The following FAT3 variants were observed in gnomAD, a reference collection of about 807,000 sequenced individuals.
The protein encoded by FAT3 is protocadherin Fat 3.
A neutral mutation model predicts 310.2 loss-of-function variants in FAT3; 95 were observed. The observed-to-expected ratio is 0.31, with a 90% confidence interval of 0.26 to 0.36. The LOEUF (loss-of-function observed/expected upper bound fraction) is 0.36. Ranked by LOEUF, FAT3 falls within the 10% of genes least tolerant of loss-of-function variation. The probability of loss-of-function intolerance (pLI) is 1.00; values close to 1 mark genes in which losing one functional copy is unlikely to be tolerated. For synonymous variants in FAT3, 2,314 were observed against 2,192.9 expected (o/e 1.06, Z -1.54); for missense variants, 5,408 against 5,715.6 (o/e 0.95, Z 1.74).
chr11:92,374,958 T>G (rs952330862), intron 2 of FAT3, among the ~76,000 whole-genome samples: 1 of 152,074 alleles, frequency 6.6e-6, no homozygotes, highest in Non-Finnish European at 1.5e-5. Flanking sequence ...ATCTCCCTGG[T>G]TTAGAGGAAT....
intron 2 of FAT3, among the ~76,000 whole-genome samples, chr11:92,419,550 GA>G (rs1950495332): frequency 6.6e-6 from 1 of 152,130 alleles, no homozygotes; most frequent in South Asian, 2.1e-4. Flanking sequence ...AGAGATAGGG[GA>G]GTATCTTTAT....
intron 3 of FAT3, among the ~76,000 whole-genome samples, chr11:92,648,148 AG>A (rs1565484931): frequency 6.6e-6 from 1 of 152,170 alleles, no homozygotes; most frequent in Non-Finnish European, 1.5e-5. Context: ...CTATGACAGT[AG>A]TGGTAGGTAG....
intron 2 of FAT3, among the ~76,000 whole-genome samples, chr11:92,427,083 A>G (rs1424140128): frequency 4.6e-5 from 7 of 151,894 alleles, no homozygotes; most frequent in Non-Finnish European, 1.0e-4. Flanking sequence ...CCTTGAAGAG[A>G]TCCTTCTCAT....
rs770091554 is a variant in FAT3, at chr11:92,774,047, A to G, written c.4202A>G (p.Asn1401Ser). The G allele has an allele frequency of 8.7e-6, 14 of 1,612,444 alleles. No homozygotes were observed. The highest frequency in any genetic ancestry group is 1.7e-5 in the Admixed American group (1 of 59,684). ...GTTTCTGTGAAATCATCAGGGGGGA[A>G]TTTTGACAGCGCTTTTGATGCAGAG... ...TPLWFDIVGG[N>S]FDSAFDAEKG... is the part of the protein sequence containing the mutation. Residue 1401 changes from asparagine to serine, a missense_variant, in exon 7 of 28, where the codon AAT (asparagine) becomes AGT (serine). Physicochemically the swap from Asn to Ser is conservative, Grantham distance 46. Around this residue, in one of 5 missense-constraint regions of FAT3, gnomAD observed 4,588 missense variants for 4,809.8 expected, o/e 0.95. Coordinates refer to ENST00000525166, the MANE Select transcript of FAT3 (RefSeq NM_001367949.2).
At chr11:92,528,135 C>A (rs1196164184) in intron 3 of FAT3, among the ~76,000 whole-genome samples, 1 of 152,210 alleles carries the variant, frequency 6.6e-6, no homozygotes, top group East Asian at 1.9e-4. Context: ...TATCGAACAT[C>A]TGTTCTCTAC....
chr11:92,593,813 A>T (rs1939565772), intron 3 of FAT3, among the ~76,000 whole-genome samples: 1 of 152,224 alleles, frequency 6.6e-6, no homozygotes, highest in Admixed American at 6.5e-5. Flanking sequence ...ATATGATTCC[A>T]TTGCCTGGCT....
At position 92,799,616 on chromosome 11, in the gene FAT3, G is replaced by GAACAGGA. The variant is rs761437273; in HGVS notation, c.6607_6608insGGAAACA (p.Thr2203ArgfsTer29). 1 of 1,613,746 alleles carries GAACAGGA rather than the reference G, an allele frequency of 6.2e-7. No individual in the cohort carries two copies. Among genetic ancestry groups the GAACAGGA allele is most frequent in the Admixed American group, 1.7e-5 (1 of 59,984 alleles). ...CATCTGTCAATGAAGACATCAGAAT[G>GAACAGGA]AACACACCCATCCTAAGCATCAATG... On this transcript the variant is annotated frameshift_variant, in exon 10 of 28. Transcript: ENST00000525166. LOFTEE classifies it high-confidence loss of function.
chr11:92,825,029 A>G (rs988362177), intron 13 of FAT3, among the ~76,000 whole-genome samples: 3 of 152,206 alleles, frequency 2.0e-5, no homozygotes, highest in Admixed American at 6.5e-5. Flanking sequence ...AGCTTTGTGT[A>G]TGTATATGAA....
At chr11:92,543,412 A>G (rs1954515412) in intron 3 of FAT3, among the ~76,000 whole-genome samples, 1 of 152,150 alleles carries the variant, frequency 6.6e-6, no homozygotes, top group Admixed American at 6.5e-5. Context: ...TACACAATGT[A>G]TTCTTGTATC....
chr11:92,788,295 G>A (rs2136151091), intron 7 of FAT3, among the ~76,000 whole-genome samples: 1 of 152,194 alleles, frequency 6.6e-6, no homozygotes, highest in South Asian at 2.1e-4. Flanking sequence ...CTACAATAGA[G>A]AGAAACAAAT....
chr11:92,762,084 G>C lies in FAT3; in HGVS notation c.3898G>C (p.Asp1300His), dbSNP rs2136085722. ...CTCCTACAGTATTGTGGATGGGAATGATGACGGAAAGTTCTTTATTGACCC... is the reference window on the plus strand; with the variant it reads ...CTCCTACAGTATTGTGGATGGGAATCATGACGGAAAGTTCTTTATTGACCC... ...EISYSIVDGN[D>H]DGKFFIDPKT... The change falls in exon 5 of 28, where the codon GAT (aspartate) becomes CAT (histidine). Residue 1300 changes from aspartate to histidine, a missense_variant. Physicochemically the swap from Asp to His is moderately conservative, Grantham distance 81. Transcript: ENST00000525166. The C allele has an allele frequency of 6.2e-7, 1 of 1,614,020 alleles. No individual in the cohort carries two copies. Among genetic ancestry groups the C allele is most frequent in the Non-Finnish European group, 8.5e-7 (1 of 1,179,890 alleles).
At chr11:92,364,487 G>A (rs11019924) in intron 2 of FAT3, among the ~76,000 whole-genome samples, 11,729 of 152,156 alleles carry the variant, frequency 0.077, 642 homozygotes, top group African/African-American at 0.15. Flanking sequence ...TGTTTTGTAC[G>A]CGCATTGAAA....
chr11:92,442,113 T>TATA (rs1951088539), intron 2 of FAT3, among the ~76,000 whole-genome samples: 1 of 82,918 alleles, frequency 1.2e-5, no homozygotes, highest in African/African-American at 7.3e-5. Context: ...ATATATATAT[T>TATA]TTTTTTTTTT....
intron 6 of FAT3, among the ~76,000 whole-genome samples, chr11:92,765,323 G>T (rs375948189): frequency 6.6e-6 from 1 of 152,126 alleles, no homozygotes; most frequent in Non-Finnish European, 1.5e-5. Context: ...TCCATAGTAC[G>T]TTATTTACTG....
chr11:92,341,176 G>T (rs1948252086), intron 1 of FAT3, among the ~76,000 whole-genome samples: 2 of 152,182 alleles, frequency 1.3e-5, no homozygotes, highest in African/African-American at 4.8e-5. Flanking sequence ...TTTAAGGCGT[G>T]TCTACAAAAA....
chr11:92,345,909 TA>T (rs1408344769), intron 1 of FAT3, among the ~76,000 whole-genome samples: 3 of 152,196 alleles, frequency 2.0e-5, no homozygotes, highest in Non-Finnish European at 4.4e-5. Context: ...CCTTTGGCTA[TA>T]AAACTCAGTG....
chr11:92,274,057 C>A (rs144189748), intron 1 of FAT3, among the ~76,000 whole-genome samples: 1 of 152,076 alleles, frequency 6.6e-6, no homozygotes, highest in Non-Finnish European at 1.5e-5. Context: ...TATTCCTCAG[C>A]TTCCTTATTA....
At chr11:92,241,929 G>A (rs1275764448) in intron 1 of FAT3, among the ~76,000 whole-genome samples, 1 of 152,004 alleles carries the variant, frequency 6.6e-6, no homozygotes, top group Non-Finnish European at 1.5e-5. Flanking sequence ...ATACAAAGCT[G>A]TCAAGACACT....
At chr11:92,419,546 A>T (rs1012531388) in intron 2 of FAT3, among the ~76,000 whole-genome samples, 2 of 152,202 alleles carry the variant, frequency 1.3e-5, no homozygotes, top group African/African-American at 4.8e-5. Context: ...GAGAAGAGAT[A>T]GGGGAGTATC....
Sources: allele counts gnomAD v4.1 joint callset (sites outside exome capture counted in the v4.1 genomes callset), GRCh38; gene constraint gnomAD v4.1.1; regional missense constraint gnomAD v4.1.1; transcripts MANE v1.5; gene names NCBI Gene and HGNC (gene_info 2026-07-23, HGNC 2026-07-21).